The following C12orf42 variants were observed in gnomAD, a reference collection of about 807,000 sequenced individuals.
The protein encoded by C12orf42 is uncharacterized protein C12orf42.
Under a neutral mutation model 21.6 loss-of-function variants are expected in C12orf42, and 25 were observed. That is an observed-to-expected ratio of 1.16 (90% CI 0.84 to 1.62). The LOEUF is 1.62. C12orf42 is among the 40% of genes most tolerant of loss of function. C12orf42 has a pLI of 0.00. For synonymous variants in C12orf42, 174 were observed against 175.0 expected (o/e 0.99, Z 0.05); for missense variants, 483 against 459.3 (o/e 1.05, Z -0.47).
chr12:103,339,761 C>A (rs917849007), intron 4 of C12orf42, among the ~76,000 whole-genome samples: 15 of 152,280 alleles, frequency 9.9e-5, no homozygotes, highest in African/African-American at 3.6e-4. Context: ...AAATCAAATA[C>A]ACTTTTGTTA....
the C12orf42 span, among the ~76,000 whole-genome samples, chr12:103,189,967 A>ATG: frequency 1.5e-5 from 2 of 134,946 alleles, no homozygotes; most frequent in African/African-American, 5.0e-5. Context: ...TTGGATATAC[A>ATG]TGTGTATATA....
At chr12:103,212,798 A>G in the C12orf42 span, among the ~76,000 whole-genome samples, 2 of 152,144 alleles carry the variant, frequency 1.3e-5, no homozygotes, top group South Asian at 4.2e-4. Context: ...CTTACTACTT[A>G]TCCAATTTGG....
At chr12:103,457,755 C>T (rs576630859) in intron 2 of C12orf42, among the ~76,000 whole-genome samples, 43 of 152,260 alleles carry the variant, frequency 2.8e-4, no homozygotes, top group African/African-American at 7.5e-4. Flanking sequence ...ACAAGTTTCA[C>T]GTTTATATGC....
rs560879599 is a variant in C12orf42 at position 103,302,620 on chromosome 12, C to T, written c.632-61G>A. The stretch of plus-strand genomic sequence containing the variant: ...GGCTCAAGCGTGCGGGACCACACCG[C>T]ACCCCCGCGACAACTGGACGTCTGA... On this transcript the variant is annotated intron_variant, in intron 5 of 5. Transcript: ENST00000548883. 154 of 1,412,356 alleles carry T rather than the reference C, an allele frequency of 1.1e-4. No individual in the cohort carries two copies. The African/African-American group carries it at 2.1e-3, about 19-fold the overall frequency. 87.5% of individuals were successfully genotyped at this position (1,412,356 alleles called of 1,614,324 possible).
intron 3 of C12orf42, among the ~76,000 whole-genome samples, chr12:103,380,820 C>T (rs769156487): frequency 6.6e-6 from 1 of 152,166 alleles, no homozygotes; most frequent in Non-Finnish European, 1.5e-5. Context: ...TCATCAAATC[C>T]TCACAATAAC....
At chr12:103,178,990 CT>C in the C12orf42 span, among the ~76,000 whole-genome samples, 4 of 152,186 alleles carry the variant, frequency 2.6e-5, no homozygotes, top group African/African-American at 4.8e-5. Context: ...GTTTTGGCAT[CT>C]TTCAGGAACA....
At chr12:103,333,123 T>G (rs2041390266) in intron 4 of C12orf42, among the ~76,000 whole-genome samples, 1 of 152,202 alleles carries the variant, frequency 6.6e-6, no homozygotes, top group African/African-American at 2.4e-5. Flanking sequence ...GTTCTACATC[T>G]CATTACCACA....
At chr12:103,541,965 A>C in the C12orf42 span, among the ~76,000 whole-genome samples, 1 of 152,094 alleles carries the variant, frequency 6.6e-6, no homozygotes, top group Non-Finnish European at 1.5e-5. Flanking sequence ...GGCCCATTCC[A>C]CCACAGCTAC....
At chr12:103,497,515 C>T (rs746136912), upstream of C12orf42, among the ~76,000 whole-genome samples, 8 of 152,164 alleles carry the variant, frequency 5.3e-5, no homozygotes, top group Admixed American at 2.0e-4. Context: ...GCTCTCTTAA[C>T]CCCAACAATA....
the C12orf42 span, chr12:103,168,238 A>T: frequency 2.7e-6 from 1 of 370,510 alleles, no homozygotes; most frequent in Non-Finnish European, 5.3e-6. Context: ...CAATGTACTC[A>T]ATTTATTCAG....
chr12:103,314,799 G>GA (rs1210295306), intron 4 of C12orf42, among the ~76,000 whole-genome samples: 3 of 151,988 alleles, frequency 2.0e-5, no homozygotes, highest in African/African-American at 7.3e-5. Flanking sequence ...CTAAGAGGGA[G>GA]AAAAAAATGC....
chr12:103,225,236 G>C, the C12orf42 span, among the ~76,000 whole-genome samples: 2 of 152,196 alleles, frequency 1.3e-5, no homozygotes, highest in Admixed American at 6.5e-5. Context: ...GCACCACAGG[G>C]TGGATAGGCA....
the C12orf42 span, among the ~76,000 whole-genome samples, chr12:103,507,158 AT>A: frequency 4.4e-5 from 1 of 22,788 alleles, no homozygotes; most frequent in Non-Finnish European, 5.8e-5. Flanking sequence ...ATAAATATAT[AT>A]ATATAATATA....
the C12orf42 span, among the ~76,000 whole-genome samples, chr12:103,103,896 G>A: frequency 2.0e-5 from 3 of 151,864 alleles, no homozygotes; most frequent in Non-Finnish European, 4.4e-5. Flanking sequence ...CGCCTCCCAG[G>A]TTCAAGCGAT....
At chr12:103,284,902 A>G (rs1299241062) in intron 4 of C12orf42, among the ~76,000 whole-genome samples, 1 of 152,164 alleles carries the variant, frequency 6.6e-6, no homozygotes, top group Non-Finnish European at 1.5e-5. Flanking sequence ...AGACATTTTC[A>G]TGGAGCCCTG....
chr12:103,255,697 A>G (rs1337849051), intron 10 of C12orf42, among the ~76,000 whole-genome samples: 1 of 151,884 alleles, frequency 6.6e-6, no homozygotes, highest in Non-Finnish European at 1.5e-5. Context: ...TGCCTAGTAC[A>G]TTTTTTCTAT....
At chr12:103,404,606 A>T (rs182194680) in intron 2 of C12orf42, among the ~76,000 whole-genome samples, 1 of 152,354 alleles carries the variant, frequency 6.6e-6, no homozygotes, top group Non-Finnish European at 1.5e-5. Context: ...AAGCCACAAG[A>T]GTCGCCACAT....
the C12orf42 span, among the ~76,000 whole-genome samples, chr12:103,213,419 T>C: frequency 6.6e-6 from 1 of 152,186 alleles, no homozygotes; most frequent in Non-Finnish European, 1.5e-5. Flanking sequence ...ATTAGGCATC[T>C]CTCCCCAAAT....
At chr12:103,533,787 C>T in the C12orf42 span, among the ~76,000 whole-genome samples, 2 of 152,158 alleles carry the variant, frequency 1.3e-5, no homozygotes, top group Non-Finnish European at 2.9e-5. Context: ...GGTTTATATG[C>T]TATTCTCCTT....
Sources: allele counts gnomAD v4.1 joint callset (sites outside exome capture counted in the v4.1 genomes callset), GRCh38; gene constraint gnomAD v4.1.1; transcripts MANE v1.5; gene names NCBI Gene and HGNC (gene_info 2026-07-23, HGNC 2026-07-21).